The following ANKS1B variants were observed in gnomAD, a reference collection of about 807,000 sequenced individuals.
ANKS1B encodes ankyrin repeat and sterile alpha motif domain-containing protein 1B.
In ANKS1B, 36 loss-of-function variants were observed where a neutral mutation model predicts 148.3. The ratio of observed to expected loss-of-function variants is 0.24; its 90% CI spans 0.19 to 0.32. The LOEUF (loss-of-function observed/expected upper bound fraction) is 0.32. ANKS1B is among the 10% of genes least tolerant of loss of function. The pLI, the probability that ANKS1B is intolerant of heterozygous loss-of-function variation, is 1.00. For synonymous variants in ANKS1B, 542 were observed against 560.8 expected (o/e 0.97, Z 0.47); for missense variants, 1,157 against 1,542.6 (o/e 0.75, Z 4.19).
At chr12:99,731,413 C>CCTGTGTGT (rs1237223581) in intron 8 of ANKS1B, among the ~76,000 whole-genome samples, 1,598 of 143,814 alleles carry the variant, frequency 0.011, 14 homozygotes, top group East Asian at 0.026. Context: ...ACCACCGTGC[C>CCTGTGTGT]GTGTGTGTGT....
chr12:98,802,988 C>A (rs981616389), intron 20 of ANKS1B, among the ~76,000 whole-genome samples: 6 of 151,988 alleles, frequency 3.9e-5, no homozygotes, highest in African/African-American at 1.5e-4. Flanking sequence ...GTTTTATTAT[C>A]CATCCCTGAC....
chr12:99,687,034 T>C (rs12310932), intron 8 of ANKS1B, among the ~76,000 whole-genome samples: 4,791 of 152,262 alleles, frequency 0.031, 281 homozygotes, highest in African/African-American at 0.11. Flanking sequence ...GTGTTTACAG[T>C]GAATTCTGTC....
chr12:99,760,811 A>G (rs1403192329), intron 8 of ANKS1B, among the ~76,000 whole-genome samples: 1 of 151,796 alleles, frequency 6.6e-6, no homozygotes, highest in Non-Finnish European at 1.5e-5. Flanking sequence ...ATTAACAAAG[A>G]AAGAAGAGAC....
intron 9 of ANKS1B, among the ~76,000 whole-genome samples, chr12:99,632,676 T>A (rs189463943): frequency 7.0e-6 from 1 of 143,076 alleles, no homozygotes; most frequent in Non-Finnish European, 1.5e-5. Context: ...GGTTTCAGAC[T>A]TGTTTGGGGC....
chr12:99,889,110 T>C (rs1299119751), intron 1 of ANKS1B, among the ~76,000 whole-genome samples: 2 of 152,172 alleles, frequency 1.3e-5, no homozygotes, highest in African/African-American at 4.8e-5. Flanking sequence ...GTTTTAATCA[T>C]TGCCAGTAGA....
intron 3 of ANKS1B, among the ~76,000 whole-genome samples, chr12:99,809,688 GATAAC>G (rs2068086991): frequency 1.3e-5 from 2 of 151,822 alleles, no homozygotes; most frequent in Admixed American, 1.3e-4. Context: ...AACCAAAAGA[GATAAC>G]ATATTTTTAA....
rs1212963853 is a variant in ANKS1B, at chr12:99,369,775, TA to T, written c.1756+29855del. Among the ~76,000 whole-genome samples, 5 of 144,198 alleles carry T rather than the reference TA, an allele frequency of 3.5e-5. No homozygotes were observed. In the East Asian group the frequency reaches 6.5e-4, roughly 19 times the overall value. 94.6% of individuals were successfully genotyped at this position (144,198 alleles called of 152,430 possible). A position where few individuals can be genotyped will look rare whatever the true frequency, so the allele number is the denominator to read the frequency against. ...ATAGATAGATAGATAGATAGATAGATAGATAGATAGATAGATGGACGGACGG... is the reference window on the plus strand; with the variant it reads ...ATAGATAGATAGATAGATAGATAGATGATAGATAGATAGATGGACGGACGG... On this transcript the variant is annotated intron_variant, in intron 12 of 26. Transcript: ENST00000683438.
At chr12:98,883,638 T>C (rs1278208827) in intron 17 of ANKS1B, among the ~76,000 whole-genome samples, 4 of 152,236 alleles carry the variant, frequency 2.6e-5, no homozygotes, top group African/African-American at 7.2e-5. Context: ...ATTAAGTTTC[T>C]TGATAAAACT....
intron 17 of ANKS1B, among the ~76,000 whole-genome samples, chr12:98,909,818 G>A (rs999134953): frequency 2.6e-5 from 4 of 152,206 alleles, no homozygotes; most frequent in African/African-American, 9.6e-5. Context: ...CTAAAAGCGT[G>A]GTTCTTCATT....
Position 99,113,320 on chromosome 12 carries a change from T to G in ANKS1B, c.2527-28297A>C, listed in dbSNP as rs572663590. 3.3e-5 allele frequency among the ~76,000 whole-genome samples: 5 copies of G among 152,304 alleles called. No homozygotes were observed. In the South Asian group the frequency reaches 1.0e-3, roughly 32 times the overall value. ...AGATGGTCAGGGTGAGATGCCAGAC[T>G]CTGCCGTTTGATATGACTTAGGGTC... On this transcript the variant is annotated intron_variant, in intron 15 of 26. Transcript: ENST00000683438.
chr12:99,220,455 T>C lies in ANKS1B; in HGVS notation c.2419+23887A>G, dbSNP rs972467224. 8.2e-5 allele frequency among the ~76,000 whole-genome samples: 12 copies of C among 146,524 alleles called. No individual in the cohort carries two copies. The East Asian group carries it at 1.9e-3, about 24-fold the overall frequency. On this transcript the variant is annotated intron_variant, in intron 14 of 26. Transcript: ENST00000683438. ...TACAATAAAAGTAGCATTTCTTTTT[T>C]TTTTTTTTTTTTTTGAGATGGAGTC...
At chr12:99,828,856 G>T (rs1017402240) in intron 1 of ANKS1B, among the ~76,000 whole-genome samples, 1 of 152,116 alleles carries the variant, frequency 6.6e-6, no homozygotes, top group South Asian at 2.1e-4. Flanking sequence ...GGTGGCGCAC[G>T]CCTGTAGTCC....
At chr12:99,452,484 A>T (rs1392151783) in intron 10 of ANKS1B, among the ~76,000 whole-genome samples, 1 of 152,224 alleles carries the variant, frequency 6.6e-6, no homozygotes, top group East Asian at 1.9e-4. Flanking sequence ...TCCTTTGTAC[A>T]CAGCAACTGT....
chr12:98,752,136 G>A (rs151328138), intron 25 of ANKS1B, among the ~76,000 whole-genome samples: 1 of 152,200 alleles, frequency 6.6e-6, no homozygotes, highest in African/African-American at 2.4e-5. Context: ...CCAAACCAAC[G>A]TACTTCTTAC....
chr12:99,375,686 AC>A (rs1470127202), intron 12 of ANKS1B, among the ~76,000 whole-genome samples: 5 of 152,042 alleles, frequency 3.3e-5, no homozygotes, highest in Admixed American at 6.5e-5. Flanking sequence ...TAAAAAAAAA[AC>A]CCTAAATACA....
chr12:99,644,175 C>A (rs981212024), intron 9 of ANKS1B, among the ~76,000 whole-genome samples: 17 of 152,268 alleles, frequency 1.1e-4, no homozygotes, highest in Admixed American at 9.2e-4. Context: ...TTGCACATAA[C>A]CATAGAATAT....
At chr12:99,737,109 A>G (rs949129789) in intron 8 of ANKS1B, among the ~76,000 whole-genome samples, 1 of 152,138 alleles carries the variant, frequency 6.6e-6, no homozygotes, top group Non-Finnish European at 1.5e-5. Flanking sequence ...TACAGCTGCT[A>G]TGGAAAACAG....
chr12:99,424,634 CACACACACACACAT>C (rs1477025178), intron 11 of ANKS1B, among the ~76,000 whole-genome samples: 1 of 151,446 alleles, frequency 6.6e-6, no homozygotes, highest in Non-Finnish European at 1.5e-5. Context: ...CACACACACA[CACACACACACACAT>C]ACACACACAC....
intron 14 of ANKS1B, among the ~76,000 whole-genome samples, chr12:99,164,267 A>G (rs1238875314): frequency 6.6e-6 from 1 of 152,152 alleles, no homozygotes; most frequent in African/African-American, 2.4e-5. Context: ...TGTGTCTCAT[A>G]AATAGCCCAG....
Sources: allele counts gnomAD v4.1 joint callset (sites outside exome capture counted in the v4.1 genomes callset), GRCh38; gene constraint gnomAD v4.1.1; transcripts MANE v1.5; gene names NCBI Gene and HGNC (gene_info 2026-07-23, HGNC 2026-07-21).